Variants in ADSL observed in about 807,000 individuals in gnomAD.
ADSL encodes the protein adenylosuccinate lyase.
Under a neutral mutation model 62.1 loss-of-function variants are expected in ADSL, and 44 were observed. The ratio of observed to expected loss-of-function variants is 0.71; its 90% CI spans 0.56 to 0.91. The LOEUF (loss-of-function observed/expected upper bound fraction) is 0.91. ADSL is among the 40% of genes least tolerant of loss of function. The pLI is 0.00. For missense variants in ADSL, 531 were observed against 627.4 expected (o/e 0.85, Z 1.64); for synonymous variants, 198 against 220.5 (o/e 0.90, Z 0.90).
chr22:40,383,423 C>T (rs1040814145), intron 2 of ADSL, among the ~76,000 whole-genome samples: 20 of 149,624 alleles, frequency 1.3e-4, no homozygotes, highest in Non-Finnish European at 1.9e-4. Flanking sequence ...GCCGAGATCA[C>T]GCCACTGCAC....
chr22:40,357,624 G>A (rs1038673256), intron 4 of ADSL, among the ~76,000 whole-genome samples: 2 of 152,174 alleles, frequency 1.3e-5, no homozygotes, highest in African/African-American at 4.8e-5. Flanking sequence ...TGTGTGTTGT[G>A]TAGCTGTTCT....
At chr22:40,350,726 C>T (rs933060764) in intron 2 of ADSL, among the ~76,000 whole-genome samples, 1 of 151,820 alleles carries the variant, frequency 6.6e-6, no homozygotes, top group South Asian at 2.1e-4. Context: ...TCAATTGATT[C>T]CTGTGTCTCG....
At chr22:40,387,198 T>C (rs550995178) in intron 2 of ADSL, 18 of 398,606 alleles carry the variant, frequency 4.5e-5, no homozygotes, top group African/African-American at 2.7e-4. Flanking sequence ...TTAACACATA[T>C]TATTTTTCCT....
intron 11 of ADSL, 129 bp from the exon 12 acceptor site, chr22:40,364,751 C>T (rs2044933486): frequency 1.0e-6 from 1 of 953,740 alleles, no homozygotes; most frequent in East Asian, 2.5e-5. Flanking sequence ...GACACAGGAA[C>T]CACCTCAGCC....
In ADSL at chr22:40,363,083, C is replaced by G; in HGVS notation, c.1101+12C>G. 6.2e-7 allele frequency: 1 copy of G among 1,610,280 alleles called. No individual in the cohort carries two copies. The stretch of plus-strand genomic sequence containing the variant: ...TCGTGTACCCCAAAGTAAGAAGCCT[C>G]AATTCAAAAGTAAAGTACTAGGGAG... On this transcript the variant is annotated intron_variant, in intron 10 of 12. Transcript: ENST00000623063.
Position 40,361,495 on chromosome 22 carries a change from T to G in ADSL, c.870T>G (p.Ser290Arg). Residue 290 changes from serine (S) to arginine (R), a missense_variant, in exon 9 of 13, where the codon AGT becomes AGG. By Grantham distance (110) the Ser-to-Arg change is moderately radical. Transcript: ENST00000623063. ...EPFEKQQIGS[S>R]AMPYKRNPMR... ...CTTTTTTTACATGGGCAGGCTCAAG[T>G]GCGATGCCATATAAGCGGAATCCCA... 1 of 1,614,222 alleles carries G rather than the reference T, an allele frequency of 6.2e-7. No individual in the cohort carries two copies. The highest frequency in any genetic ancestry group is 1.7e-5 in the Admixed American group (1 of 60,028).
At chr22:40,355,620 C>G (rs1035229884) in intron 4 of ADSL, among the ~76,000 whole-genome samples, 1 of 152,186 alleles carries the variant, frequency 6.6e-6, no homozygotes, top group Non-Finnish European at 1.5e-5. Flanking sequence ...TTGTCAACAA[C>G]TGATGGACAT....
intron 2 of ADSL, chr22:40,379,434 T>C (rs758157851): frequency 2.6e-5 from 4 of 152,268 alleles, no homozygotes; most frequent in Non-Finnish European, 5.9e-5. Flanking sequence ...AGACTAGAAG[T>C]CTGAGATCAC....
intron 9 of ADSL, among the ~76,000 whole-genome samples, chr22:40,362,390 A>G (rs1285530532): frequency 6.6e-6 from 1 of 152,222 alleles, no homozygotes; most frequent in Non-Finnish European, 1.5e-5. Context: ...AATACTTTTT[A>G]GCAAGGTGTG....
At chr22:40,375,487 G>A (rs1040547976) in intron 2 of ADSL, among the ~76,000 whole-genome samples, 1 of 151,952 alleles carries the variant, frequency 6.6e-6, no homozygotes, top group Non-Finnish European at 1.5e-5. Flanking sequence ...GGCTGAGGCA[G>A]GAGAATCACT....
downstream of ADSL, among the ~76,000 whole-genome samples, chr22:40,373,709 G>A (rs541158488): frequency 1.3e-5 from 2 of 152,136 alleles, no homozygotes; most frequent in South Asian, 2.1e-4. Flanking sequence ...TCTGCCTCCC[G>A]AGTTCAAGCA....
chr22:40,349,770 G>C (rs1213632986), intron 1 of ADSL, 62 bp from the exon 2 acceptor site: 1 of 1,455,086 alleles, frequency 6.9e-7, no homozygotes, highest in African/African-American at 1.4e-5. Context: ...TTTCCTTGGT[G>C]TCACTTCATT....
Position 40,361,721 on chromosome 22 carries a change from C to G in ADSL, c.1010+86C>G, listed in dbSNP as rs1397388689. The G allele has an allele frequency of 2.6e-6, 4 of 1,529,188 alleles. No individual in the cohort carries two copies. The East Asian group carries it at 9.0e-5, about 34-fold the overall frequency. The allele number at this position is 1,529,188 out of a possible 1,614,324, so 94.7% of individuals were successfully genotyped here. A position where few individuals can be genotyped will look rare whatever the true frequency, so the allele number is the denominator to read the frequency against. On this transcript the variant is annotated intron_variant, in intron 9 of 12. Coordinates refer to ENST00000623063, the MANE Select transcript of ADSL (RefSeq NM_000026.4). Reference sequence around the variant, plus strand: ...GAAGTAAAAGGACATATTTGAGCATCTCTACAGTCTCCTTATCCCCAAGGA... The same window carrying G: ...GAAGTAAAAGGACATATTTGAGCATGTCTACAGTCTCCTTATCCCCAAGGA...
chr22:40,346,543 G>A lies in ADSL; in HGVS notation c.-16G>A. 2 of 1,599,142 alleles carry A rather than the reference G, an allele frequency of 1.3e-6. No individual in the cohort carries two copies. Among genetic ancestry groups the A allele is most frequent in the Non-Finnish European group, 1.7e-6 (2 of 1,175,334 alleles). On this transcript the variant is annotated 5_prime_UTR_variant, in exon 1 of 13. Transcript: ENST00000623063. ...TTCCCTGGTCCAGTCCACCCTGGCG[G>A]GGTCGCAGGGTTGGGATGGCGGCTG... is the stretch of plus-strand genomic sequence containing the variant.
chr22:40,373,194 T>A (rs555061450), downstream of ADSL, among the ~76,000 whole-genome samples: 2 of 152,354 alleles, frequency 1.3e-5, no homozygotes, highest in East Asian at 3.9e-4. Context: ...AATTTAAGTC[T>A]ACCTGACTCT....
chr22:40,346,592 A>G lies in ADSL; in HGVS notation c.34A>G (p.Ser12Gly). The G allele has an allele frequency of 6.2e-7, 1 of 1,607,190 alleles. No homozygotes were observed. Among genetic ancestry groups the G allele is most frequent in the East Asian group, 2.2e-5 (1 of 44,600 alleles). ...TGGAGGCGATCATGGTTCGCCCGAC[A>G]GCTACCGCTCACCTCTTGCCTCCCG... ...AAGGDHGSPDSYRSPLASRYA... is the reference protein window; with the variant it reads ...AAGGDHGSPDGYRSPLASRYA... The change falls in exon 1 of 13, where the codon AGC (serine) becomes GGC (glycine). Residue 12 changes from serine to glycine, a missense_variant. Ser to Gly is a moderately conservative substitution (Grantham distance 56). Coordinates refer to ENST00000623063, the MANE Select transcript of ADSL (RefSeq NM_000026.4).
intron 2 of ADSL, among the ~76,000 whole-genome samples, chr22:40,383,598 G>A (rs1158851034): frequency 1.3e-5 from 2 of 152,086 alleles, no homozygotes; most frequent in African/African-American, 4.8e-5. Flanking sequence ...GAAATGGAAG[G>A]TGGCCTTCTT....
At chr22:40,354,843 T>C (rs886083512) in intron 4 of ADSL, among the ~76,000 whole-genome samples, 4 of 149,292 alleles carry the variant, frequency 2.7e-5, no homozygotes, top group Admixed American at 6.8e-5. Flanking sequence ...CATTCCAGTT[T>C]GGGTGACAGA....
At chr22:40,377,984 T>A (rs2046930541) in intron 2 of ADSL, among the ~76,000 whole-genome samples, 1 of 152,160 alleles carries the variant, frequency 6.6e-6, no homozygotes, top group South Asian at 2.1e-4. Flanking sequence ...AAAGAGTAGA[T>A]ATTACTAGCA....
Sources: gnomAD v4.1 joint callset for allele counts (sites outside exome capture counted in the v4.1 genomes callset) on GRCh38, gnomAD v4.1.1 for gene constraint, MANE v1.5 for transcripts, NCBI Gene and HGNC (gene_info 2026-07-23, HGNC 2026-07-21) for gene names.